The following CDH4 variants were observed in gnomAD, a reference collection of about 807,000 sequenced individuals.
The protein encoded by CDH4 is cadherin-4.
CDH4 carries 33 observed loss-of-function variants against 86.0 expected under a neutral mutation model. The observed-to-expected ratio is 0.38, with a 90% CI of 0.29 to 0.51. CDH4 has a LOEUF of 0.51. CDH4 is among the 20% of genes least tolerant of loss of function. The pLI is 0.86. For missense variants in CDH4, 1,114 were observed against 1,307.4 expected (o/e 0.85, Z 2.28); for synonymous variants, 555 against 549.4 (o/e 1.01, Z -0.14).
At chr20:61,537,497 C>A (rs918120753) in intron 2 of CDH4, among the ~76,000 whole-genome samples, 1 of 152,156 alleles carries the variant, frequency 6.6e-6, no homozygotes, top group African/African-American at 2.4e-5. Context: ...CAGCCAGGTG[C>A]CCTCATCAAG....
At chr20:61,784,872 C>T (rs1021046305) in intron 4 of CDH4, among the ~76,000 whole-genome samples, 11 of 152,208 alleles carry the variant, frequency 7.2e-5, no homozygotes, top group African/African-American at 1.4e-4. Context: ...GAGTTTCCCA[C>T]GTCCCATCCC....
rs1279160992 is a variant in CDH4, at chr20:61,709,252, C to T, written c.170-34311C>T. Among the ~76,000 whole-genome samples the T allele has an allele frequency of 1.3e-5, 2 of 152,234 alleles. No homozygotes were observed. The highest frequency in any genetic ancestry group is 2.4e-5 in the African/African-American group (1 of 41,450). ...TTGCTGTCCACAAATTTAATCAAGA[C>T]AGCTGTCAGCAAAAGTCAGACTTAT... On this transcript the variant is annotated intron_variant, in intron 2 of 15. Coordinates refer to ENST00000614565, the MANE Select transcript of CDH4 (RefSeq NM_001794.5). This position sits in a 1 kb window ranked among gnomAD's most constrained non-coding sequence, Gnocchi z 4.8.
rs182133840 is a variant in CDH4 at position 61,879,522 on chromosome 20, G to A, written c.1050+5622G>A. ...AAAATCCACAAACATCATTGCCGCCGTGTCTAATTAGGCAGAGCTATGTAA... is the reference window on the plus strand; with the variant it reads ...AAAATCCACAAACATCATTGCCGCCATGTCTAATTAGGCAGAGCTATGTAA... On this transcript the variant is annotated intron_variant, in intron 7 of 15. Transcript: ENST00000614565. The surrounding 1 kb of genome is among the most constrained non-coding windows in gnomAD (Gnocchi z 4.1). 3.1e-3 allele frequency among the ~76,000 whole-genome samples: 473 copies of A among 152,294 alleles called. 3 individuals are homozygous for A. Among genetic ancestry groups the A allele is most frequent in the Middle Eastern group, 0.01 (3 of 294 alleles).
intron 2 of CDH4, among the ~76,000 whole-genome samples, chr20:61,297,611 C>T (rs12624975): frequency 0.13 from 19,693 of 152,288 alleles, 1,422 homozygotes; most frequent in African/African-American, 0.18. Flanking sequence ...AAAGCCGGGG[C>T]GGTGCCTGGC....
intron 2 of CDH4, among the ~76,000 whole-genome samples, chr20:61,611,710 G>A (rs1275659488): frequency 6.6e-6 from 1 of 152,134 alleles, no homozygotes; most frequent in African/African-American, 2.4e-5. Flanking sequence ...CAGGCCAAAC[G>A]AGGCTGTAGC....
chr20:61,597,249 T>C (rs900114939), intron 2 of CDH4, among the ~76,000 whole-genome samples: 8 of 152,230 alleles, frequency 5.3e-5, no homozygotes, highest in Non-Finnish European at 1.2e-4. Flanking sequence ...CATCCCCCGA[T>C]CTACAGACTG....
chr20:61,716,928 A>C (rs1364620532), intron 2 of CDH4, among the ~76,000 whole-genome samples: 2 of 152,128 alleles, frequency 1.3e-5, no homozygotes, highest in South Asian at 2.1e-4. Context: ...ATAAATAATA[A>C]ATAAAATCCA....
chr20:61,493,599 C>T (rs2085639905), intron 2 of CDH4, among the ~76,000 whole-genome samples: 1 of 152,228 alleles, frequency 6.6e-6, no homozygotes, highest in Non-Finnish European at 1.5e-5. Flanking sequence ...CGCTTTGTGC[C>T]TCCCTGCAGG....
chr20:61,799,092 T>C (rs762056834), intron 4 of CDH4, among the ~76,000 whole-genome samples: 7 of 152,254 alleles, frequency 4.6e-5, no homozygotes, highest in Non-Finnish European at 8.8e-5. Context: ...TGAGGATTAA[T>C]TTTATAGCTG....
chr20:61,339,054 G>A (rs4321429), intron 2 of CDH4, among the ~76,000 whole-genome samples: 86,854 of 151,442 alleles, frequency 0.57, 24,906 homozygotes, highest in Middle Eastern at 0.69. Flanking sequence ...ACATACACAC[G>A]CACACACCCC....
intron 4 of CDH4, among the ~76,000 whole-genome samples, chr20:61,788,353 G>A (rs544994019): frequency 6.6e-6 from 1 of 152,190 alleles, no homozygotes; most frequent in South Asian, 2.1e-4. Flanking sequence ...AGGGCTGGGG[G>A]TGCAGACAGG....
At chr20:61,488,588 A>G (rs2085608837) in intron 2 of CDH4, among the ~76,000 whole-genome samples, 2 of 152,320 alleles carry the variant, frequency 1.3e-5, no homozygotes, top group East Asian at 1.9e-4. Context: ...TCTATAAAAA[A>G]TGTCGTGGGG....
chr20:61,456,858 T>C (rs1444290360), intron 2 of CDH4, among the ~76,000 whole-genome samples: 1 of 152,180 alleles, frequency 6.6e-6, no homozygotes, highest in Non-Finnish European at 1.5e-5. Context: ...CAGCAAAGCT[T>C]CTGAGAATAA....
chr20:61,587,040 GA>G (rs1289384759), intron 2 of CDH4, among the ~76,000 whole-genome samples: 1 of 152,196 alleles, frequency 6.6e-6, no homozygotes, highest in Non-Finnish European at 1.5e-5. Context: ...ATGTGGCTGG[GA>G]ATATCTGCAG....
rs2055004545 is a variant in CDH4, at chr20:61,923,332, CAGAGA to C, written c.1375-114_1375-110del. On this transcript the variant is annotated intron_variant, in intron 9 of 15. Transcript: ENST00000614565. ...GGGGCCTCCTGGCTAAAGAGCAGAG[CAGAGA>C]AGAGCTGGACATGGCTCAGGGAGGG... 6 of 979,398 alleles carry C rather than the reference CAGAGA, an allele frequency of 6.1e-6. No individual in the cohort carries two copies. The Admixed American group carries it at 1.1e-4, about 18-fold the overall frequency. 60.7% of individuals were successfully genotyped at this position (979,398 alleles called of 1,614,324 possible).
At position 61,258,339 on chromosome 20, in the gene CDH4, A is replaced by AAAAAAAAG. The variant is rs1555830539; in HGVS notation, c.169+3408_169+3409insAGAAAAAA. On this transcript the variant is annotated intron_variant, in intron 2 of 15. Coordinates refer to ENST00000614565, the MANE Select transcript of CDH4 (RefSeq NM_001794.5). Reference sequence around the variant, plus strand: ...AACGAGACTCCGTCTCAAAAAAAAAAAAAAAAGAAAAAAAAAAAAGAAAGA... The same window carrying AAAAAAAAG: ...AACGAGACTCCGTCTCAAAAAAAAAAAAAAAAAGAAAAAAGAAAAAAAAAAAAGAAAGA... Among the ~76,000 whole-genome samples, 719 of 139,264 alleles carry AAAAAAAAG rather than the reference A, an allele frequency of 5.2e-3. 17 individuals carry two copies. The highest frequency in any genetic ancestry group is 7.8e-3 in the Non-Finnish European group (504 of 64,592). The allele number at this position is 139,264 out of a possible 152,430, so 91.4% of individuals were successfully genotyped here.
chr20:61,712,018 G>A (rs1185767986), intron 2 of CDH4, among the ~76,000 whole-genome samples: 6 of 152,164 alleles, frequency 3.9e-5, no homozygotes, highest in Admixed American at 2.6e-4. Flanking sequence ...GGTCCCCAGG[G>A]GGTTGAGCAG....
chr20:61,263,154 G>A (rs765767594), intron 2 of CDH4, among the ~76,000 whole-genome samples: 8 of 152,098 alleles, frequency 5.3e-5, no homozygotes, highest in Non-Finnish European at 1.0e-4. Flanking sequence ...AAACCTCATG[G>A]CATTTGCAGG....
rs1344190345 is a variant in CDH4 at position 61,754,886 on chromosome 20, C to A, written c.396+11097C>A. 1.3e-5 allele frequency: 2 copies of A among 150,956 alleles called. No individual in the cohort carries two copies. Among genetic ancestry groups the A allele is most frequent in the Non-Finnish European group, 3.0e-5 (2 of 67,704 alleles). 9.4% of individuals were successfully genotyped at this position (150,956 alleles called of 1,614,324 possible). A position where few individuals can be genotyped will look rare whatever the true frequency, so the allele number is the denominator to read the frequency against. ...CACGCCACACACACCACACATATAC[C>A]CTGCACATACCACACACAGAGTGCG... is the stretch of plus-strand genomic sequence containing the variant. On this transcript the variant is annotated intron_variant, in intron 3 of 15. Coordinates refer to ENST00000614565, the MANE Select transcript of CDH4 (RefSeq NM_001794.5). The surrounding 1 kb of genome is among the most constrained non-coding windows in gnomAD (Gnocchi z 4.7).
Sources: allele counts gnomAD v4.1 joint callset (sites outside exome capture counted in the v4.1 genomes callset), GRCh38; gene constraint gnomAD v4.1.1; non-coding constraint Gnocchi (gnomAD v3.1); transcripts MANE v1.5; gene names NCBI Gene and HGNC (gene_info 2026-07-23, HGNC 2026-07-21).